AGPS: variants seen among roughly 807,000 people sequenced by gnomAD.
AGPS encodes alkylglycerone phosphate synthase, also known as alkyldihydroxyacetonephosphate synthase, peroxisomal.
Under a neutral mutation model 90.7 loss-of-function variants are expected in AGPS, and 26 were observed. That is an observed-to-expected ratio of 0.29 (90% CI 0.21 to 0.40). AGPS has a LOEUF of 0.40. Among genes scored for constraint, AGPS ranks in the 10% least tolerant of loss-of-function variants. The pLI is 1.00. For missense variants in AGPS, 540 were observed against 816.1 expected, an observed-to-expected ratio of 0.66 and a Z score of 4.12; for synonymous variants, 294 against 285.3, an observed-to-expected ratio of 1.03 and a Z score of -0.31.
intron 9 of AGPS, among the ~76,000 whole-genome samples, chr2:177,463,476 T>A (rs1346714382): frequency 1.3e-5 from 2 of 152,186 alleles, no homozygotes; most frequent in African/African-American, 2.4e-5. Context: ...CCAACATTAT[T>A]CCTGGAGCTA....
At chr2:177,493,280 G>A in intron 12 of AGPS, 81 bp downstream of exon 12, 2 of 1,230,518 alleles carry the variant, frequency 1.6e-6, no homozygotes, top group Non-Finnish European at 1.2e-6. Context: ...ACGGAGTGCA[G>A]AGGTAGAAAG....
intron 18 of AGPS, among the ~76,000 whole-genome samples, chr2:177,523,364 AG>A (rs1285062336): frequency 1.3e-5 from 2 of 152,232 alleles, no homozygotes; most frequent in African/African-American, 4.8e-5. Context: ...GTACACTTAT[AG>A]GAAGCAGTCA....
chr2:177,403,123 A>G (rs1052862054), intron 1 of AGPS, among the ~76,000 whole-genome samples: 1 of 152,222 alleles, frequency 6.6e-6, no homozygotes, highest in East Asian at 1.9e-4. Context: ...TGTGTCTTCC[A>G]TATGCTAAGC....
intron 1 of AGPS, 96 bp downstream of exon 1, chr2:177,393,145 G>A (rs1240509598): frequency 1.3e-6 from 2 of 1,549,140 alleles, no homozygotes; most frequent in Non-Finnish European, 1.7e-6. Context: ...AAGTGACACG[G>A]GTGGGCGGAA....
chr2:177,510,207 C>T (rs771056425), intron 16 of AGPS, among the ~76,000 whole-genome samples: 4 of 152,132 alleles, frequency 2.6e-5, no homozygotes, highest in Admixed American at 6.5e-5. Context: ...AGGATGTTAA[C>T]ATGGTTGGGG....
At chr2:177,461,128 C>T (rs902028671) in intron 8 of AGPS, among the ~76,000 whole-genome samples, 10 of 152,090 alleles carry the variant, frequency 6.6e-5, no homozygotes, top group African/African-American at 1.4e-4. Flanking sequence ...TAGCAGACAG[C>T]GGGTATGCAG....
At chr2:177,453,609 G>C (rs528737640) in intron 8 of AGPS, among the ~76,000 whole-genome samples, 1 of 150,820 alleles carries the variant, frequency 6.6e-6, no homozygotes, top group South Asian at 2.1e-4. Flanking sequence ...AAATACATCA[G>C]CACCATCTCC....
intron 10 of AGPS, among the ~76,000 whole-genome samples, chr2:177,471,890 GA>G (rs2105680252): frequency 6.6e-6 from 1 of 152,172 alleles, no homozygotes; most frequent in East Asian, 1.9e-4. Flanking sequence ...TTATTTTAAA[GA>G]AATATGATAC....
intron 18 of AGPS, among the ~76,000 whole-genome samples, chr2:177,523,091 A>G (rs568949576): frequency 4.7e-4 from 72 of 152,286 alleles, no homozygotes; most frequent in Non-Finnish European, 9.4e-4. Flanking sequence ...TTTCACTCTT[A>G]GGTATCCATA....
At chr2:177,422,909 C>CAGCCA in intron 2 of AGPS, among the ~76,000 whole-genome samples, 1 of 77,244 alleles carries the variant, frequency 1.3e-5, no homozygotes, top group East Asian at 3.1e-4. Context: ...TATTGAGTAT[C>CAGCCA]TACTGAGTTA....
chr2:177,537,827 T>G (rs1346545847), intron 19 of AGPS, among the ~76,000 whole-genome samples: 1 of 152,096 alleles, frequency 6.6e-6, no homozygotes, highest in Non-Finnish European at 1.5e-5. Flanking sequence ...TGTCCAAGCT[T>G]CCTTCAATCT....
rs774279058 is a variant in AGPS at position 177,436,871 on chromosome 2, A to G, written c.549A>G (p.Val183=). The G allele has an allele frequency of 1.5e-5, 24 of 1,612,922 alleles. No homozygotes were observed. In the Middle Eastern group the frequency reaches 1.7e-3, roughly 112 times the overall value. The change falls in exon 4 of 20, where the codon GTA becomes GTG. Residue 183 remains valine (V), a synonymous_variant. Transcript: ENST00000264167. ...ISYSQEADDR[V]FRAHGHCLHE... is the part of the protein sequence containing the mutation. ...ATTCACAAGAGGCAGATGATCGAGT[A>G]TTTAGAGCTCATGGTAAGTTACTTT...
intron 18 of AGPS, among the ~76,000 whole-genome samples, chr2:177,522,289 G>A (rs1405480913): frequency 6.6e-6 from 1 of 152,096 alleles, no homozygotes; most frequent in Admixed American, 6.6e-5. Context: ...CTTCTGTACA[G>A]TACCACAGAG....
At chr2:177,518,130 T>C (rs958361931) in intron 17 of AGPS, among the ~76,000 whole-genome samples, 2 of 152,124 alleles carry the variant, frequency 1.3e-5, no homozygotes, top group African/African-American at 4.8e-5. Context: ...TTTTCCCCAT[T>C]GTATTTAAAA....
At chr2:177,501,521 A>G (rs1425643004) in intron 14 of AGPS, among the ~76,000 whole-genome samples, 1 of 152,218 alleles carries the variant, frequency 6.6e-6, no homozygotes, top group Admixed American at 6.5e-5. Context: ...TGTTGAATGA[A>G]TGAATGAAAG....
intron 12 of AGPS, 105 bp from the exon 13 acceptor site, chr2:177,497,584 T>C: frequency 2.1e-6 from 1 of 487,058 alleles, no homozygotes. Flanking sequence ...AAAATTAAAG[T>C]TGTGAAAACT....
chr2:177,496,616 A>G (rs144857483), intron 12 of AGPS, among the ~76,000 whole-genome samples: 28 of 152,142 alleles, frequency 1.8e-4, no homozygotes, highest in African/African-American at 5.8e-4. Flanking sequence ...CCTCAGGTAT[A>G]GCATAGATAT....
At chr2:177,481,731 A>G (rs541220758) in intron 10 of AGPS, among the ~76,000 whole-genome samples, 198 of 152,166 alleles carry the variant, frequency 1.3e-3, no homozygotes, top group African/African-American at 4.5e-3. Flanking sequence ...ATAAGAATCC[A>G]TTGTTTTTCA....
chr2:177,527,745 T>G (rs569786219), intron 19 of AGPS, among the ~76,000 whole-genome samples: 33 of 152,286 alleles, frequency 2.2e-4, no homozygotes, highest in Non-Finnish European at 4.0e-4. Flanking sequence ...GACTCCCAAT[T>G]TGGTGAAATA....
Sources: allele counts gnomAD v4.1 joint callset (sites outside exome capture counted in the v4.1 genomes callset), GRCh38; gene constraint gnomAD v4.1.1; transcripts MANE v1.5; gene names NCBI Gene and HGNC (gene_info 2026-07-23, HGNC 2026-07-21).